Variants in DPP6 observed in about 807,000 individuals in gnomAD.
DPP6 encodes A-type potassium channel modulatory protein DPP6.
Under a neutral mutation model 122.6 loss-of-function variants are expected in DPP6, and 69 were observed. The ratio of observed to expected loss-of-function variants is 0.56; its 90% CI spans 0.46 to 0.69. The LOEUF is 0.69. DPP6 is among the 30% of genes least tolerant of loss of function. The pLI is 0.00. For missense variants in DPP6, 928 were observed against 1,116.9 expected (o/e 0.83, Z 2.41); for synonymous variants, 418 against 433.1 (o/e 0.97, Z 0.43).
intron 1 of DPP6, among the ~76,000 whole-genome samples, chr7:154,377,340 T>C (rs1343767923): frequency 6.6e-6 from 1 of 152,128 alleles, no homozygotes; most frequent in African/African-American, 2.4e-5. Context: ...GGTGAGAGGA[T>C]GTTGGCCCAC....
At chr7:154,690,052 GC>G (rs1357813252) in intron 7 of DPP6, among the ~76,000 whole-genome samples, 3 of 152,122 alleles carry the variant, frequency 2.0e-5, no homozygotes, top group Non-Finnish European at 2.9e-5. Context: ...GTACTACTTG[GC>G]ACCAGTGTGC....
At chr7:154,130,166 A>G (rs1475198072) in intron 1 of DPP6, among the ~76,000 whole-genome samples, 1 of 152,170 alleles carries the variant, frequency 6.6e-6, no homozygotes, top group African/African-American at 2.4e-5. Context: ...TGGAAGCTTA[A>G]GCTAGAAGAC....
At chr7:154,765,091 T>A (rs1367303555) in intron 8 of DPP6, among the ~76,000 whole-genome samples, 1 of 152,192 alleles carries the variant, frequency 6.6e-6, no homozygotes, top group Non-Finnish European at 1.5e-5. Flanking sequence ...ACAGCACACA[T>A]ATGAATGAGA....
At chr7:154,289,042 C>T (rs1449359943) in intron 1 of DPP6, among the ~76,000 whole-genome samples, 1 of 152,086 alleles carries the variant, frequency 6.6e-6, no homozygotes, top group Non-Finnish European at 1.5e-5. Flanking sequence ...AAAAGGACGG[C>T]TTGCAGAGTT....
rs1336144153 is a variant in DPP6 at position 154,893,469 on chromosome 7, A to G, written c.*989A>G. 12 of 144,600 alleles carry G rather than the reference A, an allele frequency of 8.3e-5. No individual in the cohort carries two copies. The Admixed American group carries it at 8.3e-4, about 10-fold the overall frequency. 9.0% of individuals were successfully genotyped at this position (144,600 alleles called of 1,614,324 possible). On this transcript the variant is annotated 3_prime_UTR_variant, in exon 26 of 26. Transcript: ENST00000377770. Reference sequence around the variant, plus strand: ...ATTTGGTTTAAAAAAAAAAAAAAAAAAAAAAAAAAAACAGAAAAAAGACAA... The same window carrying G: ...ATTTGGTTTAAAAAAAAAAAAAAAAGAAAAAAAAAAACAGAAAAAAGACAA...
the DPP6 span, among the ~76,000 whole-genome samples, chr7:153,876,493 A>C: frequency 1.1e-4 from 17 of 152,218 alleles, no homozygotes; most frequent in East Asian, 3.3e-3. Flanking sequence ...AGATTAAGCT[A>C]AAAGTTAATA....
chr7:154,806,045 A>G (rs889557738), intron 15 of DPP6, among the ~76,000 whole-genome samples: 1 of 152,232 alleles, frequency 6.6e-6, no homozygotes, highest in African/African-American at 2.4e-5. Context: ...ATCGGCCGCT[A>G]TGCGGACAGG....
chr7:154,031,868 T>G (rs1456233289), intron 1 of DPP6, among the ~76,000 whole-genome samples: 3 of 127,532 alleles, frequency 2.4e-5, no homozygotes, highest in East Asian at 4.3e-4. Flanking sequence ...TTTGTTTTTT[T>G]TTTTTTTTTG....
intron 3 of DPP6, among the ~76,000 whole-genome samples, chr7:154,513,613 A>G (rs528828619): frequency 1.3e-5 from 2 of 152,276 alleles, no homozygotes; most frequent in South Asian, 2.1e-4. Flanking sequence ...AGCTCTGATC[A>G]TCCATTAGAG....
At chr7:154,419,782 A>G (rs931115742) in intron 1 of DPP6, among the ~76,000 whole-genome samples, 6 of 152,134 alleles carry the variant, frequency 3.9e-5, no homozygotes, top group East Asian at 3.9e-4. Context: ...AGGAACCTCT[A>G]TACTCTTTTT....
At chr7:154,142,515 A>G (rs10254444) in intron 1 of DPP6, among the ~76,000 whole-genome samples, 118,809 of 151,886 alleles carry the variant, frequency 0.78, 46,730 homozygotes, top group Middle Eastern at 0.88. Flanking sequence ...AAGCTACAAA[A>G]TATCAAACCA....
chr7:153,882,777 C>T (rs1798789419), upstream of DPP6, among the ~76,000 whole-genome samples: 1 of 151,980 alleles, frequency 6.6e-6, no homozygotes, highest in South Asian at 2.1e-4. Flanking sequence ...TAGGTGCTCC[C>T]AAACATGGCA....
chr7:153,794,322 C>T, the DPP6 span, among the ~76,000 whole-genome samples: 10 of 152,306 alleles, frequency 6.6e-5, no homozygotes, highest in East Asian at 5.8e-4. Context: ...CTTGCATCAG[C>T]GTGACCTGGA....
chr7:154,681,199 C>T (rs1431659801), intron 7 of DPP6, among the ~76,000 whole-genome samples: 1 of 152,170 alleles, frequency 6.6e-6, no homozygotes, highest in African/African-American at 2.4e-5. Flanking sequence ...CCTGCTTGCC[C>T]ACGTTGGCCG....
intron 1 of DPP6, among the ~76,000 whole-genome samples, chr7:154,073,709 T>C (rs1803295641): frequency 6.6e-6 from 1 of 152,270 alleles, no homozygotes; most frequent in Non-Finnish European, 1.5e-5. Context: ...TTTTACATCC[T>C]TGGCATTAAA....
intron 7 of DPP6, among the ~76,000 whole-genome samples, chr7:154,712,927 C>T (rs1841275405): frequency 1.3e-5 from 2 of 152,126 alleles, no homozygotes; most frequent in Admixed American, 6.5e-5. Flanking sequence ...CTCAAAAGTC[C>T]AAGTCCAAAG....
the DPP6 span, among the ~76,000 whole-genome samples, chr7:153,803,358 G>A: frequency 2.0e-5 from 3 of 151,200 alleles, no homozygotes; most frequent in African/African-American, 4.9e-5. Flanking sequence ...ACTCAGTAAA[G>A]CAGAGAGCCT....
At chr7:154,622,226 C>T (rs942265186) in intron 5 of DPP6, among the ~76,000 whole-genome samples, 2 of 152,120 alleles carry the variant, frequency 1.3e-5, no homozygotes, top group Non-Finnish European at 2.9e-5. Context: ...CTTTGGATGG[C>T]AAATGATATA....
intron 1 of DPP6, among the ~76,000 whole-genome samples, chr7:154,056,732 A>C (rs1330834542): frequency 6.6e-6 from 1 of 152,058 alleles, no homozygotes; most frequent in African/African-American, 2.4e-5. Context: ...TTCGGCAACC[A>C]ACCCATTTTT....
Sources: allele counts gnomAD v4.1 joint callset (sites outside exome capture counted in the v4.1 genomes callset), GRCh38; gene constraint gnomAD v4.1.1; transcripts MANE v1.5; gene names NCBI Gene and HGNC (gene_info 2026-07-23, HGNC 2026-07-21).